Variants in AKAP19 observed in about 807,000 individuals in gnomAD.
AKAP19 encodes A-kinase anchoring protein 19.
the AKAP19 span, among the ~76,000 whole-genome samples, chr2:189,948,431 G>A: frequency 6.6e-5 from 10 of 151,854 alleles, no homozygotes; most frequent in East Asian, 1.9e-4. Flanking sequence ...GTACAGTAAC[G>A]TGTACCTCCC....
At chr2:189,882,840 G>C in the AKAP19 span, among the ~76,000 whole-genome samples, 1 of 151,960 alleles carries the variant, frequency 6.6e-6, no homozygotes, top group Non-Finnish European at 1.5e-5. Context: ...TCTTATTTAG[G>C]AATAAAATGG....
chr2:190,074,823 C>T, the AKAP19 span, among the ~76,000 whole-genome samples: 1 of 152,080 alleles, frequency 6.6e-6, no homozygotes, highest in Non-Finnish European at 1.5e-5. Flanking sequence ...AAACCGTAAG[C>T]TCCATGAAAG....
chr2:190,180,870 G>A, the AKAP19 span: 1 of 985,276 alleles, frequency 1.0e-6, no homozygotes, highest in Non-Finnish European at 1.2e-6. This position sits in a 1 kb window ranked among gnomAD's most constrained non-coding sequence, Gnocchi z 6.8. Context: ...TCCACATGCT[G>A]CCACTTGGCT....
chr2:190,107,953 G>T, the AKAP19 span, among the ~76,000 whole-genome samples: 32 of 152,288 alleles, frequency 2.1e-4, no homozygotes, highest in Admixed American at 5.9e-4. Context: ...TAAGTAACTT[G>T]CTCAAGTTAA....
At chr2:190,194,242 A>ATCAAC in the AKAP19 span, among the ~76,000 whole-genome samples, 1 of 152,184 alleles carries the variant, frequency 6.6e-6, no homozygotes, top group Non-Finnish European at 1.5e-5. Flanking sequence ...TTCTGTGAAT[A>ATCAAC]TCAACTCAAG....
the AKAP19 span, among the ~76,000 whole-genome samples, chr2:190,004,290 AT>A: frequency 3.7e-5 from 4 of 108,852 alleles, no homozygotes; most frequent in Non-Finnish European, 6.6e-5. Context: ...AAAAAAAAAC[AT>A]TCTCAGTTTA....
the AKAP19 span, among the ~76,000 whole-genome samples, chr2:190,038,923 TTCTTCTTC>T: frequency 7.1e-6 from 1 of 140,158 alleles, no homozygotes; most frequent in African/African-American, 2.9e-5. Context: ...CTTCTTCTTC[TTCTTCTTC>T]TTCTTCTTCT....
chr2:190,080,204 T>C, the AKAP19 span, among the ~76,000 whole-genome samples: 5 of 152,210 alleles, frequency 3.3e-5, no homozygotes, highest in Non-Finnish European at 7.3e-5. Context: ...AATAAATATA[T>C]TCAGTGTGAC....
the AKAP19 span, among the ~76,000 whole-genome samples, chr2:190,097,733 C>A: frequency 6.6e-6 from 1 of 151,832 alleles, no homozygotes; most frequent in East Asian, 1.9e-4. Flanking sequence ...TCATAAGGGG[C>A]AAGTCCTCAC....
chr2:189,967,761 C>A, the AKAP19 span, among the ~76,000 whole-genome samples: 1 of 151,176 alleles, frequency 6.6e-6, no homozygotes, highest in Non-Finnish European at 1.5e-5. Flanking sequence ...GTATAGTGCA[C>A]TATAATCACA....
the AKAP19 span, among the ~76,000 whole-genome samples, chr2:190,072,393 C>T: frequency 6.6e-6 from 1 of 151,966 alleles, no homozygotes; most frequent in South Asian, 2.1e-4. Flanking sequence ...CAAACCTGCA[C>T]CCCCGAATCT....
chr2:190,049,519 C>T, the AKAP19 span, among the ~76,000 whole-genome samples: 4 of 152,204 alleles, frequency 2.6e-5, no homozygotes, highest in South Asian at 2.1e-4. Flanking sequence ...AAATTTTTCA[C>T]GAACCCACAT....
chr2:189,923,747 C>T, the AKAP19 span: 858 of 1,613,494 alleles, frequency 5.3e-4, 3 homozygotes, highest in Middle Eastern at 1.5e-3. Flanking sequence ...TCCTATTGCT[C>T]GGGCTGTAGT....
At chr2:190,111,522 C>T in the AKAP19 span, among the ~76,000 whole-genome samples, 1 of 152,156 alleles carries the variant, frequency 6.6e-6, no homozygotes, top group Non-Finnish European at 1.5e-5. Flanking sequence ...ATGAATATGC[C>T]AGCATAATCT....
the AKAP19 span, among the ~76,000 whole-genome samples, chr2:190,146,817 C>T: frequency 6.6e-6 from 1 of 152,158 alleles, no homozygotes; most frequent in Admixed American, 6.5e-5. Flanking sequence ...ATTGTCTTTT[C>T]ATGTCCTTAG....
the AKAP19 span, among the ~76,000 whole-genome samples, chr2:190,145,797 CTCTG>C: frequency 8.6e-5 from 13 of 150,592 alleles, no homozygotes; most frequent in African/African-American, 2.7e-4. Context: ...ATGATTCTCT[CTCTG>C]TATATATAGT....
chr2:190,051,978 C>T, the AKAP19 span, among the ~76,000 whole-genome samples: 1 of 151,998 alleles, frequency 6.6e-6, no homozygotes, highest in Non-Finnish European at 1.5e-5. Context: ...GCTGGGACTA[C>T]AGGCGCCCGC....
the AKAP19 span, among the ~76,000 whole-genome samples, chr2:190,154,423 A>T: frequency 6.6e-6 from 1 of 152,156 alleles, no homozygotes; most frequent in East Asian, 1.9e-4. Context: ...TATAGCTTTG[A>T]CTTCATGCAA....
At chr2:190,118,943 T>C in the AKAP19 span, among the ~76,000 whole-genome samples, 2 of 152,218 alleles carry the variant, frequency 1.3e-5, no homozygotes, top group South Asian at 4.1e-4. Flanking sequence ...TGTTTGCAGA[T>C]GACAGGATTG....
Sources: gnomAD v4.1 joint callset for allele counts (sites outside exome capture counted in the v4.1 genomes callset) on GRCh38, gnomAD v4.1.1 for gene constraint, Gnocchi (gnomAD v3.1) non-coding constraint, MANE v1.5 for transcripts, NCBI Gene and HGNC (gene_info 2026-07-23, HGNC 2026-07-21) for gene names.